CCM2: variants seen among roughly 807,000 people sequenced by gnomAD.
CCM2 encodes the protein CCM2 scaffold protein.
Under a neutral mutation model 44.9 loss-of-function variants are expected in CCM2, and 25 were observed. The ratio of observed to expected loss-of-function variants is 0.56; its 90% CI spans 0.41 to 0.78. The LOEUF is 0.78. CCM2 is among the 30% of genes least tolerant of loss of function. The pLI is 0.00. For missense variants in CCM2, 481 were observed against 580.6 expected (o/e 0.83, Z 1.76); for synonymous variants, 219 against 241.1 (o/e 0.91, Z 0.85).
Position 45,030,849 on chromosome 7 carries a change from G to A in CCM2, c.31-7404G>A, listed in dbSNP as rs191446212. Reference sequence around the variant, plus strand: ...AGCAATTCTCCTGCCTCAGCCTCCCGAGTAGCTGGGACTACAGGTGTGCAC... The same window carrying A: ...AGCAATTCTCCTGCCTCAGCCTCCCAAGTAGCTGGGACTACAGGTGTGCAC... On this transcript the variant is annotated intron_variant, in intron 1 of 9. Transcript: ENST00000258781. 2.0e-4 allele frequency among the ~76,000 whole-genome samples: 30 copies of A among 152,060 alleles called. No homozygotes were observed. In the East Asian group the frequency reaches 5.6e-3, roughly 29 times the overall value.
At chr7:45,072,483 G>A (rs1259605367) in intron 6 of CCM2, 2 of 614,968 alleles carry the variant, frequency 3.3e-6, no homozygotes, top group Non-Finnish European at 5.9e-6. Context: ...CTTCAGCCCA[G>A]CGTGCAGCAG....
Position 45,028,076 on chromosome 7 carries a change from G to A in CCM2, c.31-10177G>A, listed in dbSNP as rs183444996. On this transcript the variant is annotated intron_variant, in intron 1 of 9. Transcript: ENST00000258781. The stretch of plus-strand genomic sequence containing the variant: ...TCATCCATCTTGACTCAAGGAAGAA[G>A]AAGCCACAGGTTTTACATCTTCCAC... Among the ~76,000 whole-genome samples the A allele has an allele frequency of 9.4e-4, 143 of 152,344 alleles. 2 individuals carry two copies. The highest frequency in any genetic ancestry group is 3.3e-3 in the African/African-American group (139 of 41,574).
chr7:45,014,176 G>A (rs577791785), intron 1 of CCM2, among the ~76,000 whole-genome samples: 1 of 152,124 alleles, frequency 6.6e-6, no homozygotes, highest in South Asian at 2.1e-4. Flanking sequence ...GTCTTACTCT[G>A]TTGCCCAGGC....
intron 2 of CCM2, among the ~76,000 whole-genome samples, chr7:45,060,930 GTC>G: frequency 6.6e-6 from 1 of 152,316 alleles, no homozygotes; most frequent in Non-Finnish European, 1.5e-5. Context: ...CTATGTCTGA[GTC>G]TGGTTCTGAT....
In CCM2 at chr7:45,072,859, C is replaced by T. The variant is rs1046764093; in HGVS notation, c.803+76C>T. The T allele has an allele frequency of 3.5e-5, 42 of 1,216,516 alleles. 1 individual carries two copies. The Admixed American group carries it at 7.0e-4, about 20-fold the overall frequency. The allele number at this position is 1,216,516 out of a possible 1,614,324, so 75.4% of individuals were successfully genotyped here. On this transcript the variant is annotated intron_variant, in intron 7 of 9. Transcript: ENST00000258781. Reference sequence around the variant, plus strand: ...TGTCTGGTGTTGTCCAGGCTGCAGCCAGTCAGCTCCCCCATCTCAGCTCAC... The same window carrying T: ...TGTCTGGTGTTGTCCAGGCTGCAGCTAGTCAGCTCCCCCATCTCAGCTCAC...
At chr7:45,000,006 C>T (rs899688894), upstream of CCM2, 9 of 244,164 alleles carry the variant, frequency 3.7e-5, no homozygotes, top group Non-Finnish European at 5.0e-5. Flanking sequence ...GGGCGGTGCT[C>T]TCGCCGTGAG....
intron 1 of CCM2, among the ~76,000 whole-genome samples, chr7:45,015,225 AT>A (rs1158564625): frequency 6.6e-6 from 1 of 152,138 alleles, no homozygotes; most frequent in Non-Finnish European, 1.5e-5. Context: ...ATGACACAGA[AT>A]TTATTCCAGT....
intron 4 of CCM2, chr7:45,067,765 C>T (rs563686256): frequency 6.4e-6 from 1 of 155,824 alleles, no homozygotes; most frequent in East Asian, 1.9e-4. Flanking sequence ...TGCATGTGGC[C>T]TGGGACGGCC....
chr7:45,068,812 G>T lies in CCM2; in HGVS notation c.609+233G>T, dbSNP rs974825706. On this transcript the variant is annotated intron_variant, in intron 5 of 9. Coordinates refer to ENST00000258781, the MANE Select transcript of CCM2 (RefSeq NM_031443.4). The stretch of plus-strand genomic sequence containing the variant: ...CTGGCCCTGCCCACAGCTCCTCTGC[G>T]CATGACTGCATCCCAGGTCCTGCCC... Among the ~76,000 whole-genome samples the T allele has an allele frequency of 5.9e-5, 9 of 152,022 alleles. No homozygotes were observed. In the South Asian group the frequency reaches 1.2e-3, roughly 21 times the overall value.
chr7:45,027,664 A>T, intron 1 of CCM2: 3 of 1,614,024 alleles, frequency 1.9e-6, no homozygotes, highest in Non-Finnish European at 2.5e-6. Flanking sequence ...GAGGGCTAAC[A>T]TCTGGCCATA....
rs576010101 is a variant in CCM2 at position 45,030,582 on chromosome 7, A to C, written c.31-7671A>C. ...TCCTGAGTGCCTGGAACTACAGGCT[A>C]ATTTTTAATATTTTTTAGAGACAGG... is the stretch of plus-strand genomic sequence containing the variant. On this transcript the variant is annotated intron_variant, in intron 1 of 9. Transcript: ENST00000258781. 7.9e-4 allele frequency among the ~76,000 whole-genome samples: 120 copies of C among 152,130 alleles called. 1 individual carries two copies. Among genetic ancestry groups the C allele is most frequent in the African/African-American group, 2.7e-3 (112 of 41,482 alleles).
chr7:45,073,710 T>C lies in CCM2; in HGVS notation c.915+139T>C, dbSNP rs1412406816. ...GTCACCTAGAGCACTCTTGGTCAATTTTGCTGACATCACTGCCTTTTCCTG... is the reference window on the plus strand; with the variant it reads ...GTCACCTAGAGCACTCTTGGTCAATCTTGCTGACATCACTGCCTTTTCCTG... On this transcript the variant is annotated intron_variant, in intron 8 of 9. Transcript: ENST00000258781. 1.3e-5 allele frequency: 8 copies of C among 629,832 alleles called. No individual in the cohort carries two copies. The East Asian group carries it at 2.2e-4, about 17-fold the overall frequency. 39.0% of individuals were successfully genotyped at this position (629,832 alleles called of 1,614,324 possible).
chr7:45,031,584 G>T (rs993279771), intron 1 of CCM2, among the ~76,000 whole-genome samples: 11 of 151,810 alleles, frequency 7.2e-5, no homozygotes, highest in African/African-American at 1.2e-4. Context: ...TTTTGAGATG[G>T]TCTTGCTCTG....
chr7:45,032,146 A>G (rs1023451499), intron 1 of CCM2, among the ~76,000 whole-genome samples: 1 of 152,178 alleles, frequency 6.6e-6, no homozygotes, highest in African/African-American at 2.4e-5. Context: ...TTTACTTAAT[A>G]GTGTTAATAT....
At chr7:45,059,274 T>C (rs1798412563) in intron 2 of CCM2, among the ~76,000 whole-genome samples, 1 of 152,036 alleles carries the variant, frequency 6.6e-6, no homozygotes, top group South Asian at 2.1e-4. Context: ...TTGGATTCAA[T>C]TTGCTGATTT....
At chr7:45,048,877 C>T (rs570092697) in intron 2 of CCM2, among the ~76,000 whole-genome samples, 1 of 152,312 alleles carries the variant, frequency 6.6e-6, no homozygotes, top group South Asian at 2.1e-4. Context: ...GGACTCATAG[C>T]AGGCTTGCTG....
intron 2 of CCM2, among the ~76,000 whole-genome samples, chr7:45,046,296 T>A (rs1866580): frequency 0.85 from 129,250 of 152,282 alleles, 55,237 homozygotes; most frequent in African/African-American, 0.96. Flanking sequence ...GAATAGCTAA[T>A]AATAATTTTG....
At position 45,070,285 on chromosome 7, in the gene CCM2, C is replaced by G. The variant is rs181317044; in HGVS notation, c.745+324C>G. On this transcript the variant is annotated intron_variant, in intron 6 of 9. Transcript: ENST00000258781. Reference sequence around the variant, plus strand: ...CAAAGAGCTTGGAGAAGGCTCCTAGCACTGGGGCCTGTGATGGAATTGGGG... The same window carrying G: ...CAAAGAGCTTGGAGAAGGCTCCTAGGACTGGGGCCTGTGATGGAATTGGGG... The G allele has an allele frequency of 1.8e-5, 7 of 388,854 alleles. No individual in the cohort carries two copies. In the East Asian group the frequency reaches 3.2e-4, roughly 18 times the overall value. The allele number at this position is 388,854 out of a possible 1,614,324, so 24.1% of individuals were successfully genotyped here.
At chr7:45,003,518 A>G (rs919008820) in intron 1 of CCM2, among the ~76,000 whole-genome samples, 7 of 152,048 alleles carry the variant, frequency 4.6e-5, no homozygotes, top group Admixed American at 1.3e-4. Flanking sequence ...GGATCACTTG[A>G]CACCAGGAGT....
Sources: allele counts gnomAD v4.1 joint callset (sites outside exome capture counted in the v4.1 genomes callset), GRCh38; gene constraint gnomAD v4.1.1; transcripts MANE v1.5; gene names NCBI Gene and HGNC (gene_info 2026-07-23, HGNC 2026-07-21).